Variants in CADPS observed in about 807,000 individuals in gnomAD.
The protein encoded by CADPS is calcium-dependent secretion activator 1.
CADPS carries 57 observed loss-of-function variants against 167.3 expected under a neutral mutation model. That is an observed-to-expected ratio of 0.34 (90% CI 0.28 to 0.42). CADPS has a LOEUF of 0.42. Ranked by LOEUF, CADPS falls within the 20% of genes least tolerant of loss-of-function variation. CADPS has a pLI of 1.00. For missense variants in CADPS, 1,414 were observed against 1,738.1 expected, an observed-to-expected ratio of 0.81 and a Z score of 3.32; for synonymous variants, 676 against 635.3, an observed-to-expected ratio of 1.06 and a Z score of -0.96.
At chr3:62,493,425 A>G (rs1485913104) in intron 19 of CADPS, among the ~76,000 whole-genome samples, 1 of 152,172 alleles carries the variant, frequency 6.6e-6, no homozygotes, top group Non-Finnish European at 1.5e-5. Flanking sequence ...GCCGCAAAGT[A>G]TTTACATTGG....
chr3:62,675,648 A>C (rs1158998981), intron 3 of CADPS, among the ~76,000 whole-genome samples: 1 of 152,142 alleles, frequency 6.6e-6, no homozygotes, highest in Non-Finnish European at 1.5e-5. Context: ...GGGAAGTTCA[A>C]ATTAAGATGG....
chr3:62,472,454 G>A (rs2060739558), intron 24 of CADPS, among the ~76,000 whole-genome samples: 1 of 152,158 alleles, frequency 6.6e-6, no homozygotes, highest in Non-Finnish European at 1.5e-5. Context: ...GAACTTTTGA[G>A]ATCACCAAAA....
intron 3 of CADPS, among the ~76,000 whole-genome samples, chr3:62,717,062 A>G (rs1375495983): frequency 1.3e-5 from 2 of 152,210 alleles, no homozygotes; most frequent in Admixed American, 6.5e-5. Context: ...GAAAATCTAC[A>G]TACTGGAATA....
At chr3:62,654,917 C>G (rs1011877934) in intron 4 of CADPS, among the ~76,000 whole-genome samples, 2 of 152,110 alleles carry the variant, frequency 1.3e-5, no homozygotes. Context: ...AAGTGCGGTT[C>G]CTTCTATCAC....
chr3:62,550,936 C>T (rs1441578838), intron 10 of CADPS: 4 of 456,656 alleles, frequency 8.8e-6, no homozygotes, highest in Admixed American at 2.3e-5. Flanking sequence ...ACCATCCTGG[C>T]TGCTGCTCCT....
intron 28 of CADPS, among the ~76,000 whole-genome samples, chr3:62,425,914 C>G (rs762289220): frequency 2.6e-5 from 4 of 151,526 alleles, no homozygotes; most frequent in Non-Finnish European, 4.4e-5. Flanking sequence ...TAAGCCCAGT[C>G]CTGCCTCCTG....
At chr3:62,608,475 G>GT (rs943567035) in intron 6 of CADPS, among the ~76,000 whole-genome samples, 8 of 151,868 alleles carry the variant, frequency 5.3e-5, no homozygotes, top group Admixed American at 5.2e-4. Flanking sequence ...TAGACATGGG[G>GT]TTTTGCCATG....
At chr3:62,639,411 C>T (rs1052778904) in intron 6 of CADPS, among the ~76,000 whole-genome samples, 7 of 152,122 alleles carry the variant, frequency 4.6e-5, no homozygotes, top group African/African-American at 1.7e-4. Context: ...TCTCAGGAAG[C>T]CTCATTCCCT....
chr3:62,757,525 C>G (rs989854055), intron 2 of CADPS, among the ~76,000 whole-genome samples: 1 of 152,064 alleles, frequency 6.6e-6, no homozygotes, highest in Non-Finnish European at 1.5e-5. Context: ...AAATATGGAG[C>G]GAGACTATGT....
chr3:62,644,645 G>A (rs2068129984), intron 6 of CADPS, among the ~76,000 whole-genome samples: 1 of 152,152 alleles, frequency 6.6e-6, no homozygotes, highest in South Asian at 2.1e-4. Context: ...AGCCCTGCTG[G>A]CCTCTTTTGA....
intron 9 of CADPS, among the ~76,000 whole-genome samples, chr3:62,566,508 T>C (rs1182374043): frequency 1.3e-5 from 2 of 152,216 alleles, no homozygotes; most frequent in Non-Finnish European, 2.9e-5. Context: ...TCTGATGGCA[T>C]TGGGGTTGTT....
At chr3:62,443,679 A>G (rs534997871) in intron 27 of CADPS, among the ~76,000 whole-genome samples, 17 of 152,182 alleles carry the variant, frequency 1.1e-4, no homozygotes, top group Non-Finnish European at 2.4e-4. Context: ...CTGTCTTGTG[A>G]AGAAGGACGT....
intron 1 of CADPS, among the ~76,000 whole-genome samples, chr3:62,858,608 T>C (rs2080152270): frequency 6.6e-6 from 1 of 152,180 alleles, no homozygotes; most frequent in Admixed American, 6.6e-5. Context: ...ACCAATTGTG[T>C]CTACTAAAAA....
intron 3 of CADPS, among the ~76,000 whole-genome samples, chr3:62,721,667 T>C (rs1452106123): frequency 6.6e-6 from 1 of 152,216 alleles, no homozygotes; most frequent in Non-Finnish European, 1.5e-5. Flanking sequence ...AAACATTAAC[T>C]ATTTTCAGTT....
At chr3:62,492,503 CATAAGACGTGA>C in intron 19 of CADPS, 57 bp from the exon 20 acceptor site, 1 of 1,536,880 alleles carries the variant, frequency 6.5e-7, no homozygotes, top group Non-Finnish European at 9.0e-7. Flanking sequence ...CTTTCTCGGA[CATAAGACGTGA>C]ATTCCAGCCC....
rs1412495422 is a variant in CADPS, at chr3:62,447,000, A to G, written c.3637-1203T>C. Among the ~76,000 whole-genome samples, 4 of 152,192 alleles carry G rather than the reference A, an allele frequency of 2.6e-5. No individual in the cohort carries two copies. Among genetic ancestry groups the G allele is most frequent in the Non-Finnish European group, 5.9e-5 (4 of 68,028 alleles). ...CCAAATGTCTCCCAGAAAAGTACCCAGGGGAGTGATTTCCTCTGTTGCTCT... is the reference window on the plus strand; with the variant it reads ...CCAAATGTCTCCCAGAAAAGTACCCGGGGGAGTGATTTCCTCTGTTGCTCT... On this transcript the variant is annotated intron_variant, in intron 26 of 29. Transcript: ENST00000383710. This position sits in a 1 kb window ranked among gnomAD's most constrained non-coding sequence, Gnocchi z 4.9.
chr3:62,494,278 A>G (rs552188362), intron 18 of CADPS, among the ~76,000 whole-genome samples: 69 of 152,324 alleles, frequency 4.5e-4, no homozygotes, highest in Middle Eastern at 3.4e-3. Context: ...TAAGTCCAGT[A>G]GATAGAGAAA....
intron 22 of CADPS, among the ~76,000 whole-genome samples, chr3:62,480,511 T>G (rs2061869520): frequency 6.6e-6 from 1 of 152,264 alleles, no homozygotes; most frequent in South Asian, 2.1e-4. Context: ...TGTGAGCAAT[T>G]GTAGGTTGTA....
At chr3:62,657,868 G>C (rs4688136) in intron 4 of CADPS, among the ~76,000 whole-genome samples, 2 of 152,004 alleles carry the variant, frequency 1.3e-5, no homozygotes, top group Non-Finnish European at 2.9e-5. Flanking sequence ...TGAGAATGCT[G>C]CTGGCAAAAT....
Sources: gnomAD v4.1 joint callset for allele counts (sites outside exome capture counted in the v4.1 genomes callset) on GRCh38, gnomAD v4.1.1 for gene constraint, Gnocchi (gnomAD v3.1) non-coding constraint, MANE v1.5 for transcripts, NCBI Gene and HGNC (gene_info 2026-07-23, HGNC 2026-07-21) for gene names.